Variants in NELL2 observed in about 807,000 individuals in gnomAD.
NELL2 encodes the protein protein kinase C-binding protein NELL2.
In NELL2, 41 loss-of-function variants were observed where a neutral mutation model predicts 109.6. The observed-to-expected ratio is 0.37, with a 90% CI of 0.29 to 0.49. The LOEUF (loss-of-function observed/expected upper bound fraction) is 0.49, where lower values mean the gene tolerates loss of function less well. Ranked by LOEUF, NELL2 falls within the 20% of genes least tolerant of loss-of-function variation. NELL2 has a pLI of 0.98. For synonymous variants in NELL2, 355 were observed against 344.7 expected (o/e 1.03, Z -0.33); for missense variants, 900 against 1,008.3 (o/e 0.89, Z 1.45).
At chr12:44,757,067 A>G (rs1010203723) in intron 9 of NELL2, among the ~76,000 whole-genome samples, 2 of 152,220 alleles carry the variant, frequency 1.3e-5, no homozygotes, top group Admixed American at 1.3e-4. Flanking sequence ...AATAAATAGT[A>G]TAATCATCAT....
intron 1 of NELL2, among the ~76,000 whole-genome samples, chr12:44,904,277 A>C (rs1428696367): frequency 6.6e-6 from 1 of 152,158 alleles, no homozygotes; most frequent in Non-Finnish European, 1.5e-5. Context: ...ATTGTAATAG[A>C]TATAATGCTA....
In NELL2 at chr12:44,875,372, T is replaced by C; in HGVS notation, c.56-19A>G. ...CCCCAAACTGGTGAGGGGTATGAGG[T>C]GGGAGAGAGAAAAAGGAAAAGCTCC... On this transcript the variant is annotated intron_variant, in intron 1 of 19. Transcript: ENST00000429094. 1.9e-6 allele frequency: 3 copies of C among 1,613,836 alleles called. No individual in the cohort carries two copies. Among genetic ancestry groups the C allele is most frequent in the Middle Eastern group, 3.3e-4 (2 of 6,060 alleles).
At chr12:44,533,557 A>G (rs4768555) in intron 15 of NELL2, among the ~76,000 whole-genome samples, 94,022 of 151,852 alleles carry the variant, frequency 0.62, 29,249 homozygotes, top group East Asian at 0.73. Context: ...TATAGAAGTA[A>G]ATCACGCTGG....
chr12:44,560,021 A>G (rs1242607109), intron 15 of NELL2, among the ~76,000 whole-genome samples: 1 of 152,096 alleles, frequency 6.6e-6, no homozygotes, highest in East Asian at 1.9e-4. Context: ...GGATTAAAAA[A>G]CTCACTCGAA....
chr12:44,832,885 C>T (rs894291955), intron 2 of NELL2, among the ~76,000 whole-genome samples: 9 of 152,152 alleles, frequency 5.9e-5, no homozygotes, highest in African/African-American at 2.2e-4. Context: ...AGATTAACAT[C>T]TCCCTAGAAA....
chr12:44,705,819 T>G (rs1260362263), intron 11 of NELL2, among the ~76,000 whole-genome samples: 2 of 152,186 alleles, frequency 1.3e-5, no homozygotes, highest in East Asian at 3.8e-4. Flanking sequence ...CTGCATAATT[T>G]TGCCTGTACT....
intron 19 of NELL2, among the ~76,000 whole-genome samples, chr12:44,519,112 T>A (rs1017647066): frequency 2.0e-5 from 3 of 152,116 alleles, no homozygotes; most frequent in Non-Finnish European, 4.4e-5. Flanking sequence ...AGGAAAAAAA[T>A]TACAAAATGG....
At chr12:44,916,341 A>C, upstream of NELL2, among the ~76,000 whole-genome samples, 1 of 152,190 alleles carries the variant, frequency 6.6e-6, no homozygotes, top group East Asian at 1.9e-4. Context: ...CAATCTGAAG[A>C]GGAAGTGAAA....
chr12:44,574,913 T>C (rs1422953909), intron 15 of NELL2, among the ~76,000 whole-genome samples: 1 of 152,220 alleles, frequency 6.6e-6, no homozygotes, highest in African/African-American at 2.4e-5. Context: ...CTGCTTTACT[T>C]TCCTCCTTAA....
intron 12 of NELL2, among the ~76,000 whole-genome samples, chr12:44,693,351 C>A (rs1335002247): frequency 1.3e-5 from 2 of 152,046 alleles, no homozygotes; most frequent in African/African-American, 2.4e-5. Flanking sequence ...GTAAATATAA[C>A]TTTTATATGC....
rs1373791066 is a variant in NELL2, at chr12:44,625,934, T to C, written c.1445-14964A>G. Reference sequence around the variant, plus strand: ...GTGAATATTATGGACAATTCTATATTACCTAAGGTAAAATGAAACTCCAAA... The same window carrying C: ...GTGAATATTATGGACAATTCTATATCACCTAAGGTAAAATGAAACTCCAAA... On this transcript the variant is annotated intron_variant, in intron 13 of 19. Transcript: ENST00000429094. Among the ~76,000 whole-genome samples, 5 of 151,750 alleles carry C rather than the reference T, an allele frequency of 3.3e-5. No individual in the cohort carries two copies. The South Asian group carries it at 8.3e-4, about 25-fold the overall frequency.
chr12:44,741,038 T>C (rs927708613), intron 9 of NELL2, among the ~76,000 whole-genome samples: 5 of 152,144 alleles, frequency 3.3e-5, no homozygotes, highest in South Asian at 4.1e-4. Context: ...GATTGAACTA[T>C]ACAGGTCCCC....
intron 2 of NELL2, among the ~76,000 whole-genome samples, chr12:44,845,609 C>T (rs1944347277): frequency 6.6e-6 from 1 of 152,160 alleles, no homozygotes; most frequent in African/African-American, 2.4e-5. Flanking sequence ...GGGTGAAAGG[C>T]AGTCCTAAGG....
At chr12:44,746,028 C>T (rs143869561) in intron 9 of NELL2, among the ~76,000 whole-genome samples, 31 of 152,152 alleles carry the variant, frequency 2.0e-4, no homozygotes, top group African/African-American at 5.1e-4. Context: ...GGAGGCATCA[C>T]GCTACCTGAC....
chr12:44,851,413 C>CTCA lies in NELL2; in HGVS notation c.184+23809_184+23811dup, dbSNP rs919647812. Among the ~76,000 whole-genome samples, 21 of 152,130 alleles carry CTCA rather than the reference C, an allele frequency of 1.4e-4. 1 individual carries two copies. Among genetic ancestry groups the CTCA allele is most frequent in the African/African-American group, 4.8e-4 (20 of 41,520 alleles). On this transcript the variant is annotated intron_variant, in intron 2 of 19. Coordinates refer to ENST00000429094, the MANE Select transcript of NELL2 (RefSeq NM_001145108.2). ...AATGAAATATTAAATGTTCTAAAAC[C>CTCA]TCAGACAAGCCAAAATTTGGACTCT... is the stretch of plus-strand genomic sequence containing the variant.
chr12:44,562,361 T>C (rs990988404), intron 15 of NELL2, among the ~76,000 whole-genome samples: 1 of 152,036 alleles, frequency 6.6e-6, no homozygotes, highest in African/African-American at 2.4e-5. Flanking sequence ...AAAGAAACTA[T>C]CATCAGAGTG....
At chr12:44,714,837 C>A (rs1938402838) in intron 9 of NELL2, 96 bp from the exon 10 acceptor site, 1 of 673,772 alleles carries the variant, frequency 1.5e-6, no homozygotes, top group Admixed American at 3.6e-5. Flanking sequence ...ATGTTATACA[C>A]CTTTTTTCAA....
chr12:44,681,483 T>C (rs952861358), intron 12 of NELL2, among the ~76,000 whole-genome samples: 25 of 152,160 alleles, frequency 1.6e-4, no homozygotes, highest in Admixed American at 3.9e-4. Context: ...TAGTTACATA[T>C]GTATACATGC....
At chr12:44,574,614 GA>G (rs1272070857) in intron 15 of NELL2, among the ~76,000 whole-genome samples, 3 of 151,900 alleles carry the variant, frequency 2.0e-5, no homozygotes, top group Non-Finnish European at 4.4e-5. Context: ...CAAAAAAAAA[GA>G]AACCCACTTA....
Sources: allele counts gnomAD v4.1 joint callset (sites outside exome capture counted in the v4.1 genomes callset), GRCh38; gene constraint gnomAD v4.1.1; transcripts MANE v1.5; gene names NCBI Gene and HGNC (gene_info 2026-07-23, HGNC 2026-07-21).